Variants in NRG1 observed in about 807,000 individuals in gnomAD.
NRG1 encodes neuregulin 1.
A neutral mutation model predicts 63.8 loss-of-function variants in NRG1; 18 were observed. That is an observed-to-expected ratio of 0.28 (90% CI 0.19 to 0.42). The LOEUF is 0.42. Ranked by LOEUF, NRG1 falls within the 10% of genes least tolerant of loss-of-function variation. The probability of loss-of-function intolerance (pLI) is 1.00; values close to 1 mark genes in which losing one functional copy is unlikely to be tolerated. For synonymous variants in NRG1, 302 were observed against 301.3 expected (o/e 1.00, Z -0.02); for missense variants, 762 against 814.7 (o/e 0.94, Z 0.79).
intron 1 of NRG1, among the ~76,000 whole-genome samples, chr8:31,816,611 G>A (rs1823472348): frequency 6.6e-6 from 1 of 152,108 alleles, no homozygotes; most frequent in Non-Finnish European, 1.5e-5. Context: ...TCCTCACTTT[G>A]TGAACTAGAC....
At chr8:31,729,114 A>G (rs1190186576) in intron 1 of NRG1, among the ~76,000 whole-genome samples, 3 of 152,170 alleles carry the variant, frequency 2.0e-5, no homozygotes, top group Non-Finnish European at 4.4e-5. Flanking sequence ...CATGGGAAAA[A>G]TGGTGCCCAG....
chr8:31,719,673 T>G (rs1812707178), intron 1 of NRG1, among the ~76,000 whole-genome samples: 1 of 152,146 alleles, frequency 6.6e-6, no homozygotes, highest in Admixed American at 6.6e-5. Flanking sequence ...CAACTGGGGT[T>G]TATTTTAAGT....
rs768824169 is a variant in NRG1 at position 31,972,687 on chromosome 8, G to A, written c.37+333256G>A. Among the ~76,000 whole-genome samples the A allele has an allele frequency of 1.8e-4, 27 of 152,028 alleles. 1 individual carries two copies. Among genetic ancestry groups the A allele is most frequent in the South Asian group, 8.3e-4 (4 of 4,814 alleles). ...AAACCCCTGGAGCAGGTCTCTCATC[G>A]CCCTTCACCACTCCTGCAGCCAGTC... is the stretch of plus-strand genomic sequence containing the variant. On this transcript the variant is annotated intron_variant, in intron 1 of 10. Coordinates refer to the NRG1 transcript ENST00000519301.
intron 1 of NRG1, among the ~76,000 whole-genome samples, chr8:31,650,560 CA>C (rs1804732180): frequency 6.6e-6 from 1 of 152,180 alleles, no homozygotes; most frequent in Admixed American, 6.5e-5. Context: ...AGGGACAGCT[CA>C]AATCCTACTG....
chr8:32,355,427 C>T (rs557539736), intron 1 of NRG1, among the ~76,000 whole-genome samples: 8 of 152,058 alleles, frequency 5.3e-5, no homozygotes, highest in Non-Finnish European at 4.4e-5. Context: ...TCAGTGCACT[C>T]CAGCCTGGGT....
At chr8:32,636,127 C>T (rs1437500300) in intron 5 of NRG1, among the ~76,000 whole-genome samples, 1 of 151,536 alleles carries the variant, frequency 6.6e-6, no homozygotes, top group Non-Finnish European at 1.5e-5. Context: ...CTTCTAAAGA[C>T]TTATGTTTTG....
intron 1 of NRG1, chr8:32,442,680 A>G (rs1819706287): frequency 6.6e-6 from 1 of 152,198 alleles, no homozygotes; most frequent in South Asian, 2.1e-4. Context: ...AGTGTACTCT[A>G]TATAGCATAT....
chr8:32,034,826 A>T (rs1818790345), intron 1 of NRG1, among the ~76,000 whole-genome samples: 7 of 145,654 alleles, frequency 4.8e-5, no homozygotes, highest in South Asian at 2.2e-4. Flanking sequence ...TGTCTATTTG[A>T]TTTTCTCTCT....
At chr8:32,367,173 G>A (rs1282074918) in intron 1 of NRG1, among the ~76,000 whole-genome samples, 1 of 152,100 alleles carries the variant, frequency 6.6e-6, no homozygotes, top group Non-Finnish European at 1.5e-5. Flanking sequence ...TTTGCTACAT[G>A]ATATGATAGT....
chr8:32,119,711 C>T (rs868167446), intron 1 of NRG1, among the ~76,000 whole-genome samples: 1 of 151,940 alleles, frequency 6.6e-6, no homozygotes, highest in Admixed American at 6.6e-5. Context: ...GAAATGACAC[C>T]CAGGACAACT....
rs139011175 is a variant in NRG1, at chr8:31,862,158, G to A, written c.37+222727G>A. 3.9e-3 allele frequency among the ~76,000 whole-genome samples: 587 copies of A among 152,264 alleles called. 6 individuals are homozygous for A. The highest frequency in any genetic ancestry group is 0.013 in the African/African-American group (558 of 41,556). On this transcript the variant is annotated intron_variant, in intron 1 of 10. Coordinates refer to the NRG1 transcript ENST00000519301. The stretch of plus-strand genomic sequence containing the variant: ...GGATTTTTTACAAAAGCAAATACAT[G>A]TTCTAATTTACATCAGGGAGCAGAT...
intron 1 of NRG1, among the ~76,000 whole-genome samples, chr8:31,797,134 A>G (rs1260330130): frequency 1.3e-5 from 2 of 152,174 alleles, no homozygotes; most frequent in East Asian, 1.9e-4. Context: ...AAACTTGGTA[A>G]CATCCAAATT....
At chr8:31,729,760 GA>G (rs1253132123) in intron 1 of NRG1, among the ~76,000 whole-genome samples, 1 of 152,080 alleles carries the variant, frequency 6.6e-6, no homozygotes, top group East Asian at 1.9e-4. Flanking sequence ...TTTTGAAAAT[GA>G]AAAAGGATCT....
intron 1 of NRG1, among the ~76,000 whole-genome samples, chr8:32,312,803 TTCCTTCCA>T (rs1352391563): frequency 4.3e-5 from 6 of 139,658 alleles, no homozygotes; most frequent in Non-Finnish European, 1.6e-5. Context: ...CCTTCCTTCC[TTCCTTCCA>T]TCCTTCCTGT....
At chr8:32,605,381 ATCT>A (rs1845092450) in intron 2 of NRG1, among the ~76,000 whole-genome samples, 178 bp from the exon 3 acceptor site, 1 of 152,208 alleles carries the variant, frequency 6.6e-6, no homozygotes, top group African/African-American at 2.4e-5. Flanking sequence ...AATGTGATGC[ATCT>A]TACTTTTACT....
At chr8:31,656,388 A>G (rs956614669) in intron 1 of NRG1, among the ~76,000 whole-genome samples, 1 of 152,188 alleles carries the variant, frequency 6.6e-6, no homozygotes, top group Non-Finnish European at 1.5e-5. Context: ...TGCACATTGC[A>G]TTTAGGACCA....
intron 1 of NRG1, among the ~76,000 whole-genome samples, chr8:32,498,559 T>A (rs1587986340): frequency 6.6e-6 from 1 of 151,012 alleles, no homozygotes; most frequent in East Asian, 2.0e-4. Flanking sequence ...TCACTTACTA[T>A]CATGAGAACA....
chr8:32,404,899 A>T (rs947424588), intron 1 of NRG1, among the ~76,000 whole-genome samples: 1 of 151,960 alleles, frequency 6.6e-6, no homozygotes, highest in Non-Finnish European at 1.5e-5. Flanking sequence ...TCTTCATCTT[A>T]AAACTTCTTC....
intron 1 of NRG1, among the ~76,000 whole-genome samples, chr8:31,794,502 C>A (rs1015885467): frequency 4.0e-5 from 6 of 150,740 alleles, no homozygotes; most frequent in Non-Finnish European, 8.8e-5. Context: ...TGGATGACTG[C>A]CACAACATAA....
Sources: allele counts gnomAD v4.1 joint callset (sites outside exome capture counted in the v4.1 genomes callset), GRCh38; gene constraint gnomAD v4.1.1; transcripts MANE v1.5; gene names NCBI Gene and HGNC (gene_info 2026-07-23, HGNC 2026-07-21).